Variants in TUSC3 observed in about 807,000 individuals in gnomAD.
The protein encoded by TUSC3 is dolichyl-diphosphooligosaccharide--protein glycosyltransferase subunit TUSC3.
Under a neutral mutation model 44.8 loss-of-function variants are expected in TUSC3, and 45 were observed. The observed-to-expected ratio is 1.00, with a 90% CI of 0.79 to 1.29. TUSC3 has a LOEUF of 1.29. Among genes scored for constraint, TUSC3 ranks in the 50% most tolerant of loss-of-function variants. TUSC3 has a pLI of 0.00. For missense variants in TUSC3, 519 were observed against 437.9 expected (o/e 1.19, Z -1.65); for synonymous variants, 212 against 152.9 (o/e 1.39, Z -2.85).
At chr8:15,658,657 C>CACACACACACACACAT (rs1186873286) in intron 3 of TUSC3, among the ~76,000 whole-genome samples, 90 of 150,714 alleles carry the variant, frequency 6.0e-4, no homozygotes, top group African/African-American at 2.2e-3. Flanking sequence ...CACACACACA[C>CACACACACACACACAT]ACAAATACAA....
At chr8:15,705,297 A>C (rs1387605499) in intron 6 of TUSC3, among the ~76,000 whole-genome samples, 3 of 152,062 alleles carry the variant, frequency 2.0e-5, no homozygotes, top group Non-Finnish European at 2.9e-5. Context: ...GTTTAAAATA[A>C]AAAAGATTTA....
the TUSC3 span, among the ~76,000 whole-genome samples, chr8:15,798,017 T>A: frequency 6.6e-6 from 1 of 152,164 alleles, no homozygotes; most frequent in Non-Finnish European, 1.5e-5. Flanking sequence ...TTCCCTAAGA[T>A]GCTATACTAT....
rs1812318280 is a variant in TUSC3 at position 15,766,102 on chromosome 8, C to G, written c.*1946C>G. On this transcript the variant is annotated 3_prime_UTR_variant, in exon 11 of 11. Coordinates refer to ENST00000503731, the MANE Select transcript of TUSC3 (RefSeq NM_006765.4). The stretch of plus-strand genomic sequence containing the variant: ...CCATATTAGTAAAGGTTTTCTAGCT[C>G]TTATTTTCTAATTTCCTCTGAGCAT... 6.9e-6 allele frequency: 1 copy of G among 144,302 alleles called. No individual in the cohort carries two copies. Among genetic ancestry groups the G allele is most frequent in the Non-Finnish European group, 1.6e-5 (1 of 63,404 alleles). The allele number at this position is 144,302 out of a possible 1,614,324, so 8.9% of individuals were successfully genotyped here.
At chr8:15,761,218 A>G (rs2129224599) in intron 10 of TUSC3, among the ~76,000 whole-genome samples, 1 of 152,308 alleles carries the variant, frequency 6.6e-6, no homozygotes, top group Middle Eastern at 3.4e-3. Flanking sequence ...ATTAATCCTT[A>G]GCAAATCAAA....
intron 6 of TUSC3, among the ~76,000 whole-genome samples, chr8:15,716,112 T>G (rs1232678404): frequency 6.6e-6 from 1 of 151,828 alleles, no homozygotes; most frequent in African/African-American, 2.4e-5. Flanking sequence ...AAAAATTAGC[T>G]TGGCATGATG....
intron 3 of TUSC3, among the ~76,000 whole-genome samples, chr8:15,658,352 C>G (rs1443455270): frequency 6.6e-6 from 1 of 152,024 alleles, no homozygotes; most frequent in Non-Finnish European, 1.5e-5. Context: ...ATAATGACTG[C>G]TGTAGTCAGA....
the TUSC3 span, among the ~76,000 whole-genome samples, chr8:15,796,507 A>G: frequency 1.4e-4 from 22 of 152,310 alleles, no homozygotes; most frequent in African/African-American, 5.3e-4. Flanking sequence ...GTGCCCACAT[A>G]CTTGAGAGAA....
At chr8:15,613,607 C>T (rs1035414903) in intron 1 of TUSC3, among the ~76,000 whole-genome samples, 1 of 152,058 alleles carries the variant, frequency 6.6e-6, no homozygotes, top group Admixed American at 6.6e-5. Context: ...GTGAGGCCTC[C>T]CCAGCCATGT....
chr8:15,531,999 G>T (rs1198798058), intron 2 of TUSC3, among the ~76,000 whole-genome samples: 18 of 152,158 alleles, frequency 1.2e-4, no homozygotes, highest in East Asian at 1.9e-4. Flanking sequence ...TTTGCTTCAG[G>T]GTTCAATAAT....
At chr8:15,723,662 A>T (rs1398215239) in intron 6 of TUSC3, among the ~76,000 whole-genome samples, 1 of 152,146 alleles carries the variant, frequency 6.6e-6, no homozygotes, top group Non-Finnish European at 1.5e-5. Context: ...GACTACAAAC[A>T]TGTAACTAGT....
chr8:15,679,130 G>A (rs991937073), intron 6 of TUSC3, among the ~76,000 whole-genome samples: 1 of 152,164 alleles, frequency 6.6e-6, no homozygotes. Flanking sequence ...CCAGTAACGA[G>A]ATTGCTAGGT....
At chr8:15,569,949 C>G (rs563727716) in intron 1 of TUSC3, among the ~76,000 whole-genome samples, 1 of 152,046 alleles carries the variant, frequency 6.6e-6, no homozygotes, top group African/African-American at 2.4e-5. Context: ...GCTTCAGTCA[C>G]TTCATCGCTT....
chr8:15,590,579 C>G (rs555171986), intron 1 of TUSC3, among the ~76,000 whole-genome samples: 17 of 152,138 alleles, frequency 1.1e-4, no homozygotes, highest in Admixed American at 3.3e-4. Flanking sequence ...TCCCTGAACA[C>G]CACTCTGCCA....
intron 9 of TUSC3, among the ~76,000 whole-genome samples, chr8:15,750,212 C>G (rs1427335190): frequency 6.6e-6 from 1 of 151,990 alleles, no homozygotes; most frequent in Non-Finnish European, 1.5e-5. Flanking sequence ...ATCTCCTGAC[C>G]TCATGGTCCA....
rs375925907 is a variant in TUSC3 at position 15,451,099 on chromosome 8, G to T, written n.92-32287G>T. Among the ~76,000 whole-genome samples, 83 of 152,266 alleles carry T rather than the reference G, an allele frequency of 5.5e-4. 2 individuals are homozygous for T. In the South Asian group the frequency reaches 0.017, roughly 31 times the overall value. ...ATCCATAATGCTGGGTCATGACCCT[G>T]CATCCTAGCTACAGAGGGAAGCTAG... On this transcript the variant is annotated intron_variant and non_coding_transcript_variant, in intron 1 of 5. Coordinates refer to the TUSC3 transcript ENST00000503191.
At chr8:15,707,229 T>C (rs1254644723) in intron 6 of TUSC3, among the ~76,000 whole-genome samples, 7 of 152,048 alleles carry the variant, frequency 4.6e-5, no homozygotes, top group Non-Finnish European at 1.0e-4. Flanking sequence ...AAAATGCTTA[T>C]GCCAAGCTAT....
At chr8:15,667,612 C>T (rs907898114) in intron 5 of TUSC3, among the ~76,000 whole-genome samples, 3 of 151,684 alleles carry the variant, frequency 2.0e-5, no homozygotes, top group African/African-American at 2.4e-5. Flanking sequence ...TTCACTTTCA[C>T]TAGCAGCTTA....
At chr8:15,516,858 C>A (rs113468305) in intron 2 of TUSC3, among the ~76,000 whole-genome samples, 8 of 152,200 alleles carry the variant, frequency 5.3e-5, no homozygotes, top group African/African-American at 1.9e-4. Flanking sequence ...ATGATTTTTA[C>A]AGTAGTATAA....
At chr8:15,692,524 A>G in intron 6 of TUSC3, among the ~76,000 whole-genome samples, 1 of 150,544 alleles carries the variant, frequency 6.6e-6, no homozygotes. Flanking sequence ...CAATTTCAAA[A>G]CTTATTATTG....
Sources: gnomAD v4.1 joint callset for allele counts (sites outside exome capture counted in the v4.1 genomes callset) on GRCh38, gnomAD v4.1.1 for gene constraint, MANE v1.5 for transcripts, NCBI Gene and HGNC (gene_info 2026-07-23, HGNC 2026-07-21) for gene names.